The following DOCK2 variants were observed in gnomAD, a reference collection of about 807,000 sequenced individuals.
DOCK2 encodes dedicator of cytokinesis protein 2.
In DOCK2, 87 loss-of-function variants were observed where a neutral mutation model predicts 248.9. The observed-to-expected ratio is 0.35, with a 90% confidence interval of 0.29 to 0.42. The LOEUF (loss-of-function observed/expected upper bound fraction) is 0.42, where lower values mean the gene tolerates loss of function less well. Among genes scored for constraint, DOCK2 ranks in the 10% least tolerant of loss-of-function variants. The probability of loss-of-function intolerance (pLI) is 1.00; values close to 1 mark genes in which losing one functional copy is unlikely to be tolerated. For missense variants in DOCK2, 1,747 were observed against 2,300.2 expected (o/e 0.76, Z 4.92); for synonymous variants, 805 against 821.6 (o/e 0.98, Z 0.35).
At chr5:169,749,394 C>CATAATAATCATATGAGTTCTCTAATCCTA (rs1340334293) in intron 23 of DOCK2, among the ~76,000 whole-genome samples, 2 of 152,132 alleles carry the variant, frequency 1.3e-5, no homozygotes, top group African/African-American at 4.8e-5. Flanking sequence ...ATGCCAAAAC[C>CATAATAATCATATGAGTTCTCTAATCCTA]ATAATAATCA....
chr5:169,848,834 C>G (rs140324184), intron 27 of DOCK2, among the ~76,000 whole-genome samples: 135 of 152,266 alleles, frequency 8.9e-4, no homozygotes, highest in African/African-American at 3.0e-3. Context: ...TTGGAAGTCA[C>G]CTTTTCCTCT....
intron 25 of DOCK2, among the ~76,000 whole-genome samples, chr5:169,801,831 G>A (rs1382222379): frequency 1.5e-5 from 2 of 134,576 alleles, no homozygotes; most frequent in African/African-American, 5.6e-5. Flanking sequence ...TTTTTTTCCT[G>A]TAATCACCTC....
chr5:169,898,178 GCATGAACAAGTATGTGTCCCTGGGGCT>G (rs1773717247), intron 27 of DOCK2, among the ~76,000 whole-genome samples: 1 of 152,190 alleles, frequency 6.6e-6, no homozygotes, highest in Non-Finnish European at 1.5e-5. Flanking sequence ...GACTGAGGCT[GCATGAACAAGTATGTGTCCCTGGGGCT>G]CCCACAGCTC....
rs145013585 is a variant in DOCK2 at position 169,818,138 on chromosome 5, A to G, written c.2703+14932A>G. 1.9e-3 allele frequency among the ~76,000 whole-genome samples: 286 copies of G among 152,168 alleles called. 2 individuals are homozygous for G. The highest frequency in any genetic ancestry group is 6.7e-3 in the African/African-American group (278 of 41,520). On this transcript the variant is annotated intron_variant, in intron 26 of 51. Coordinates refer to ENST00000520908, the MANE Select transcript of DOCK2 (RefSeq NM_004946.3). The stretch of plus-strand genomic sequence containing the variant: ...CCTACGTGAACATGCGTAACCCATA[A>G]TGTTTTGAACTCTGGGGCAGAGATT...
chr5:169,726,172 T>G (rs1762463955), intron 22 of DOCK2, among the ~76,000 whole-genome samples: 1 of 152,124 alleles, frequency 6.6e-6, no homozygotes, highest in Admixed American at 6.5e-5. Flanking sequence ...GCATCTGTTG[T>G]TTCCTGACTT....
At chr5:169,806,572 G>T (rs1270052235) in intron 26 of DOCK2, among the ~76,000 whole-genome samples, 3 of 152,174 alleles carry the variant, frequency 2.0e-5, no homozygotes, top group Non-Finnish European at 4.4e-5. Context: ...CCTCAGACTG[G>T]ATTGAGAACT....
chr5:170,047,685 C>A, intron 40 of DOCK2, 71 bp downstream of exon 40: 1 of 1,409,024 alleles, frequency 7.1e-7, no homozygotes, highest in Non-Finnish European at 9.9e-7. Context: ...TCCTTCTATG[C>A]TTTGAGGATT....
In DOCK2 at chr5:169,897,995, G is replaced by T. The variant is rs997586281; in HGVS notation, c.2799+57143G>T. Among the ~76,000 whole-genome samples the T allele has an allele frequency of 3.3e-5, 5 of 152,308 alleles. 1 individual carries two copies. Among genetic ancestry groups the T allele is most frequent in the African/African-American group, 1.2e-4 (5 of 41,574 alleles). On this transcript the variant is annotated intron_variant, in intron 27 of 51. Transcript: ENST00000520908. ...GAGCAATCAAATCACTTTTTAAAAT[G>T]ATTCTTTAAGATGAAGAGTATTAGG...
chr5:169,742,665 G>A (rs562809624), intron 22 of DOCK2, among the ~76,000 whole-genome samples: 1 of 152,310 alleles, frequency 6.6e-6, no homozygotes, highest in South Asian at 2.1e-4. Context: ...CTGCTCCCCT[G>A]GGATGCTAGC....
intron 6 of DOCK2, among the ~76,000 whole-genome samples, chr5:169,679,933 G>A (rs1759565582): frequency 6.6e-6 from 1 of 152,106 alleles, no homozygotes; most frequent in African/African-American, 2.4e-5. Flanking sequence ...AACCAAGCAG[G>A]AGTATGGTTG....
At chr5:169,852,024 G>T (rs1299493005) in intron 27 of DOCK2, among the ~76,000 whole-genome samples, 1 of 152,198 alleles carries the variant, frequency 6.6e-6, no homozygotes, top group Non-Finnish European at 1.5e-5. Context: ...GGAAGCTGGT[G>T]CCAAAGCTGG....
At chr5:169,977,184 C>T (rs1208521985) in intron 27 of DOCK2, among the ~76,000 whole-genome samples, 1 of 152,256 alleles carries the variant, frequency 6.6e-6, no homozygotes, top group South Asian at 2.1e-4. Context: ...ACTGTCCCAG[C>T]ATGCTCTGTT....
At chr5:169,831,111 C>T (rs1769198836) in intron 26 of DOCK2, among the ~76,000 whole-genome samples, 1 of 152,004 alleles carries the variant, frequency 6.6e-6, no homozygotes, top group Non-Finnish European at 1.5e-5. Flanking sequence ...TAAAATTATC[C>T]CTTTAACCTC....
intron 15 of DOCK2, among the ~76,000 whole-genome samples, chr5:169,709,283 G>A (rs1761447143): frequency 6.6e-6 from 1 of 152,168 alleles, no homozygotes; most frequent in Non-Finnish European, 1.5e-5. Context: ...CTGTGTAGTT[G>A]TGGGGAGAAG....
At chr5:169,953,517 G>A (rs1776750186) in intron 27 of DOCK2, among the ~76,000 whole-genome samples, 1 of 152,122 alleles carries the variant, frequency 6.6e-6, no homozygotes, top group Non-Finnish European at 1.5e-5. Flanking sequence ...ATTAAGTCCT[G>A]TATAAAATGC....
intron 27 of DOCK2, chr5:169,884,410 T>C (rs1372324034): frequency 6.6e-6 from 1 of 152,528 alleles, no homozygotes; most frequent in African/African-American, 2.4e-5. Context: ...GAAACTTAAA[T>C]GCATCTTCTT....
chr5:169,945,702 T>C (rs1410634289), intron 27 of DOCK2, among the ~76,000 whole-genome samples: 1 of 152,156 alleles, frequency 6.6e-6, no homozygotes, highest in Non-Finnish European at 1.5e-5. Flanking sequence ...GATGTGCTCC[T>C]CCCGCTTAAA....
chr5:169,730,325 A>C (rs1324005758), intron 22 of DOCK2, among the ~76,000 whole-genome samples: 1 of 152,218 alleles, frequency 6.6e-6, no homozygotes, highest in Admixed American at 6.5e-5. Context: ...AAGGAGGTGC[A>C]GGGAGGAAAG....
chr5:169,671,068 C>T lies in DOCK2; in HGVS notation c.225-10C>T. 6.2e-7 allele frequency: 1 copy of T among 1,611,966 alleles called. No individual in the cohort carries two copies. Among genetic ancestry groups the T allele is most frequent in the Non-Finnish European group, 8.5e-7 (1 of 1,178,872 alleles). Reference sequence around the variant, plus strand: ...CAATTTCACACCACTTTTTCTCCCACCTTAAATAGAAATACTGAGAACATC... The same window carrying T: ...CAATTTCACACCACTTTTTCTCCCATCTTAAATAGAAATACTGAGAACATC... On this transcript the variant is annotated splice_polypyrimidine_tract_variant and intron_variant, in intron 4 of 51. Coordinates refer to ENST00000520908, the MANE Select transcript of DOCK2 (RefSeq NM_004946.3).
Sources: allele counts gnomAD v4.1 joint callset (sites outside exome capture counted in the v4.1 genomes callset), GRCh38; gene constraint gnomAD v4.1.1; transcripts MANE v1.5; gene names NCBI Gene and HGNC (gene_info 2026-07-23, HGNC 2026-07-21).